Variants in AGAP1 observed in about 807,000 individuals in gnomAD.
AGAP1 encodes ArfGAP with GTPase domain, ankyrin repeat and PH domain 1, also known as arf-GAP with GTPase, ANK repeat and PH domain-containing protein 1.
AGAP1 carries 29 observed loss-of-function variants against 105.3 expected under a neutral mutation model. The ratio of observed to expected loss-of-function variants is 0.28; its 90% CI spans 0.21 to 0.38. AGAP1 has a LOEUF of 0.38. AGAP1 is among the 10% of genes least tolerant of loss of function. The pLI is 1.00. For missense variants in AGAP1, 998 were observed against 1,165.1 expected (o/e 0.86, Z 2.09); for synonymous variants, 509 against 485.9 (o/e 1.05, Z -0.63).
chr2:235,765,328 A>T (rs1269522365), intron 6 of AGAP1, among the ~76,000 whole-genome samples: 1 of 144,166 alleles, frequency 6.9e-6, no homozygotes, highest in East Asian at 2.1e-4. Flanking sequence ...TGTCTGTGGG[A>T]TGGGGGCACC....
chr2:235,543,329 G>A (rs570079348), intron 1 of AGAP1, among the ~76,000 whole-genome samples: 2 of 152,338 alleles, frequency 1.3e-5, no homozygotes, highest in South Asian at 4.1e-4. Flanking sequence ...CCGTTGTTCA[G>A]GATGAAGTTA....
In AGAP1 at chr2:235,792,267, C is replaced by G. The variant is rs1957023096; in HGVS notation, c.674-5492C>G. The stretch of plus-strand genomic sequence containing the variant: ...CTTTCTCTGTGTCTTCCTTAGTTCT[C>G]TGCCCCCACTTTTCCCCACCCTTCA... On this transcript the variant is annotated intron_variant, in intron 6 of 17. Coordinates refer to ENST00000304032, the MANE Select transcript of AGAP1 (RefSeq NM_001037131.3). This position sits in a 1 kb window ranked among gnomAD's most constrained non-coding sequence, Gnocchi z 5.3. Among the ~76,000 whole-genome samples, 1 of 152,172 alleles carries G rather than the reference C, an allele frequency of 6.6e-6. No individual in the cohort carries two copies. The highest frequency in any genetic ancestry group is 2.4e-5 in the African/African-American group (1 of 41,448).
Position 235,976,231 on chromosome 2 carries a change from T to C in AGAP1, c.1645+7608T>C, listed in dbSNP as rs898276984. Among the ~76,000 whole-genome samples, 2 of 152,124 alleles carry C rather than the reference T, an allele frequency of 1.3e-5. No individual in the cohort carries two copies. The highest frequency in any genetic ancestry group is 4.8e-5 in the African/African-American group (2 of 41,422). ...AACTAGATGACTTTTCCAAAGACAGTTTGCTCTCAGGTTGTAACTCCAGCT... is the reference window on the plus strand; with the variant it reads ...AACTAGATGACTTTTCCAAAGACAGCTTGCTCTCAGGTTGTAACTCCAGCT... On this transcript the variant is annotated intron_variant, in intron 13 of 17. Transcript: ENST00000304032. This position sits in a 1 kb window ranked among gnomAD's most constrained non-coding sequence, Gnocchi z 4.5.
chr2:235,822,966 T>C (rs2106297476), intron 9 of AGAP1, among the ~76,000 whole-genome samples: 1 of 152,284 alleles, frequency 6.6e-6, no homozygotes, highest in Non-Finnish European at 1.5e-5. Context: ...ATTCAAGTGC[T>C]ACTGTGATCC....
At position 236,104,585 on chromosome 2, in the gene AGAP1, G is replaced by C. The variant is rs1161424686; in HGVS notation, c.2115-15607G>C. The stretch of plus-strand genomic sequence containing the variant: ...TCTGGCCTCTTAGAGAATCCAACTT[G>C]GGTTACAAAGACAAGCGTGCACAGG... On this transcript the variant is annotated intron_variant, in intron 16 of 17. Coordinates refer to ENST00000304032, the MANE Select transcript of AGAP1 (RefSeq NM_001037131.3). The surrounding 1 kb of genome is among the most constrained non-coding windows in gnomAD (Gnocchi z 4.7). 6.6e-6 allele frequency among the ~76,000 whole-genome samples: 1 copy of C among 152,184 alleles called. No homozygotes were observed. Among genetic ancestry groups the C allele is most frequent in the African/African-American group, 2.4e-5 (1 of 41,452 alleles).
rs1186598554 is a variant in AGAP1 at position 235,852,777 on chromosome 2, C to A, written c.1051-30568C>A. 3.4e-6 allele frequency: 5 copies of A among 1,486,364 alleles called. No homozygotes were observed. In the Admixed American group the frequency reaches 1.0e-4, roughly 31 times the overall value. 92.1% of individuals were successfully genotyped at this position (1,486,364 alleles called of 1,614,324 possible). A position where few individuals can be genotyped will look rare whatever the true frequency, so the allele number is the denominator to read the frequency against. ...CGTCAGTCCTCCCCCTGGCCAGGGC[C>A]GAGGGGTGGTCAGACCAGCCCGCAT... On this transcript the variant is annotated intron_variant, in intron 9 of 17. Transcript: ENST00000304032.
At chr2:235,767,147 G>T (rs927247642) in intron 6 of AGAP1, among the ~76,000 whole-genome samples, 10 of 152,092 alleles carry the variant, frequency 6.6e-5, no homozygotes, top group African/African-American at 2.2e-4. Flanking sequence ...CTGACCTCAG[G>T]TGATCTGCCC....
rs945093420 is a variant in AGAP1 at position 235,888,229 on chromosome 2, T to C, written c.1155+4780T>C. Reference sequence around the variant, plus strand: ...CGGGGGAGCGGGTAGTTCAGGAGGATCTCAGGATTATTTGTTCTTTAGGAT... The same window carrying C: ...CGGGGGAGCGGGTAGTTCAGGAGGACCTCAGGATTATTTGTTCTTTAGGAT... On this transcript the variant is annotated intron_variant, in intron 10 of 17. Coordinates refer to ENST00000304032, the MANE Select transcript of AGAP1 (RefSeq NM_001037131.3). This position sits in a 1 kb window ranked among gnomAD's most constrained non-coding sequence, Gnocchi z 4.8. 2.6e-5 allele frequency among the ~76,000 whole-genome samples: 4 copies of C among 151,996 alleles called. No homozygotes were observed. Among genetic ancestry groups the C allele is most frequent in the Non-Finnish European group, 1.5e-5 (1 of 68,004 alleles).
At position 235,574,598 on chromosome 2, in the gene AGAP1, G is replaced by A. The variant is rs544381477; in HGVS notation, c.163+79749G>A. Among the ~76,000 whole-genome samples, 5 of 152,284 alleles carry A rather than the reference G, an allele frequency of 3.3e-5. No homozygotes were observed. In the South Asian group the frequency reaches 1.0e-3, roughly 32 times the overall value. On this transcript the variant is annotated intron_variant, in intron 1 of 17. Transcript: ENST00000304032. This position sits in a 1 kb window ranked among gnomAD's most constrained non-coding sequence, Gnocchi z 5.0. ...TAGTTTTTACCAGGCTGTTCAAAAA[G>A]TCAAGCAGTGTTCTTTTAGGTCCTT...
chr2:235,698,540 A>G (rs1300880286), intron 1 of AGAP1, among the ~76,000 whole-genome samples: 3 of 152,208 alleles, frequency 2.0e-5, no homozygotes, highest in Non-Finnish European at 2.9e-5. Context: ...TTCACTTTCA[A>G]GGACTCAGCA....
intron 16 of AGAP1, among the ~76,000 whole-genome samples, chr2:236,107,934 C>T (rs1158503370): frequency 6.6e-6 from 1 of 152,188 alleles, no homozygotes; most frequent in African/African-American, 2.4e-5. Context: ...CATAAAACAC[C>T]CTGCAGGTTG....
rs956808532 is a variant in AGAP1 at position 235,600,895 on chromosome 2, C to A, written c.163+106046C>A. ...AGTCAGGTTGACACTCAGTATTAAC[C>A]AGCATACCCACCATTGTTTCACCTG... is the stretch of plus-strand genomic sequence containing the variant. On this transcript the variant is annotated intron_variant, in intron 1 of 17. Coordinates refer to ENST00000304032, the MANE Select transcript of AGAP1 (RefSeq NM_001037131.3). The surrounding 1 kb of genome is among the most constrained non-coding windows in gnomAD (Gnocchi z 4.8). Among the ~76,000 whole-genome samples, 1 of 152,184 alleles carries A rather than the reference C, an allele frequency of 6.6e-6. No individual in the cohort carries two copies. The highest frequency in any genetic ancestry group is 2.4e-5 in the African/African-American group (1 of 41,436).
At position 235,761,059 on chromosome 2, in the gene AGAP1, T is replaced by C. The variant is rs1487365880; in HGVS notation, c.673+10571T>C. On this transcript the variant is annotated intron_variant, in intron 6 of 17. Transcript: ENST00000304032. ...GCAATATGGGGTCAAGTATGAAACA[T>C]GATAGAGTGACACCCAAGGAACCTA... 2.6e-5 allele frequency among the ~76,000 whole-genome samples: 4 copies of C among 152,340 alleles called. No homozygotes were observed. The East Asian group carries it at 7.7e-4, about 29-fold the overall frequency.
chr2:236,115,080 G>A (rs533628272), intron 16 of AGAP1, among the ~76,000 whole-genome samples: 91 of 152,202 alleles, frequency 6.0e-4, no homozygotes, highest in Non-Finnish European at 9.8e-4. Flanking sequence ...ACACACAGCC[G>A]TGATTTAGAA....
chr2:235,643,450 A>G (rs1034655686), intron 1 of AGAP1, among the ~76,000 whole-genome samples: 3 of 150,696 alleles, frequency 2.0e-5, no homozygotes, highest in Non-Finnish European at 4.4e-5. Flanking sequence ...AAAAAAAAAA[A>G]AAAAAAAAAA....
At position 235,494,600 on chromosome 2, in the gene AGAP1, G is replaced by A. The variant is rs1941222965; in HGVS notation, c.-87G>A. On this transcript the variant is annotated 5_prime_UTR_variant, in exon 1 of 18. Transcript: ENST00000304032. ...GCGGGCCCGGCTCCCCGGGGGCTGCGGCGCCCCGGGCTCGGCGGCCCGCGG... is the reference window on the plus strand; with the variant it reads ...GCGGGCCCGGCTCCCCGGGGGCTGCAGCGCCCCGGGCTCGGCGGCCCGCGG... 5.2e-6 allele frequency: 3 copies of A among 580,714 alleles called. No individual in the cohort carries two copies. The highest frequency in any genetic ancestry group is 2.1e-5 in the African/African-American group (1 of 47,532). 36.0% of individuals were successfully genotyped at this position (580,714 alleles called of 1,614,324 possible).
In AGAP1 at chr2:235,927,040, A is replaced by T. The variant is rs2052482084; in HGVS notation, c.1325-3725A>T. Among the ~76,000 whole-genome samples the T allele has an allele frequency of 6.6e-6, 1 of 152,240 alleles. No individual in the cohort carries two copies. On this transcript the variant is annotated intron_variant, in intron 11 of 17. Coordinates refer to ENST00000304032, the MANE Select transcript of AGAP1 (RefSeq NM_001037131.3). The surrounding 1 kb of genome is among the most constrained non-coding windows in gnomAD (Gnocchi z 4.4). The stretch of plus-strand genomic sequence containing the variant: ...GAGCTCAGCCTGGACGTCAGGCGAT[A>T]GTCTGTGGATCTGATTGAAAGTTTC...
Position 235,777,118 on chromosome 2 carries a change from A to G in AGAP1, c.674-20641A>G, listed in dbSNP as rs138493201. ...TCATGCCTGTAATTCCAGCACTTTG[A>G]GAGGCCAAGGCGGGTGGATCACGAG... On this transcript the variant is annotated intron_variant, in intron 6 of 17. Coordinates refer to ENST00000304032, the MANE Select transcript of AGAP1 (RefSeq NM_001037131.3). This position sits in a 1 kb window ranked among gnomAD's most constrained non-coding sequence, Gnocchi z 5.1. The G allele has an allele frequency of 0.29, 133,768 of 465,852 alleles. 21,403 individuals carry two copies. Among genetic ancestry groups the G allele is most frequent in the Admixed American group, 0.48 (20,283 of 42,332 alleles). 28.9% of individuals were successfully genotyped at this position (465,852 alleles called of 1,614,324 possible).
chr2:235,508,456 T>C (rs1941930798), intron 1 of AGAP1, among the ~76,000 whole-genome samples: 1 of 152,220 alleles, frequency 6.6e-6, no homozygotes, highest in Non-Finnish European at 1.5e-5. Context: ...GAAACTCACA[T>C]TCACGCTCGG....
Sources: allele counts gnomAD v4.1 joint callset (sites outside exome capture counted in the v4.1 genomes callset), GRCh38; gene constraint gnomAD v4.1.1; non-coding constraint Gnocchi (gnomAD v3.1); transcripts MANE v1.5; gene names NCBI Gene and HGNC (gene_info 2026-07-23, HGNC 2026-07-21).